ARHGAP26: variants seen among roughly 807,000 people sequenced by gnomAD.
ARHGAP26 encodes rho GTPase-activating protein 26.
ARHGAP26 carries 38 observed loss-of-function variants against 104.8 expected under a neutral mutation model. The ratio of observed to expected loss-of-function variants is 0.36; its 90% CI spans 0.28 to 0.48. The LOEUF (loss-of-function observed/expected upper bound fraction) is 0.48. Ranked by LOEUF, ARHGAP26 falls within the 20% of genes least tolerant of loss-of-function variation. The pLI, the probability that ARHGAP26 is intolerant of heterozygous loss-of-function variation, is 0.99. For missense variants in ARHGAP26, 704 were observed against 947.9 expected, an observed-to-expected ratio of 0.74 and a Z score of 3.38; for synonymous variants, 341 against 340.0, an observed-to-expected ratio of 1.00 and a Z score of -0.03.
At chr5:142,930,005 G>C (rs1234982275) in intron 10 of ARHGAP26, among the ~76,000 whole-genome samples, 1 of 152,178 alleles carries the variant, frequency 6.6e-6, no homozygotes, top group Non-Finnish European at 1.5e-5. Flanking sequence ...ATCACCTGGG[G>C]AGTTGGTTAA....
intron 10 of ARHGAP26, among the ~76,000 whole-genome samples, chr5:142,931,720 C>T (rs775994107): frequency 9.2e-5 from 14 of 152,188 alleles, no homozygotes; most frequent in South Asian, 2.1e-4. Flanking sequence ...CTCTGTTAAG[C>T]GTTTTGAGGT....
At chr5:143,150,208 C>T (rs1301612783) in intron 20 of ARHGAP26, among the ~76,000 whole-genome samples, 1 of 152,194 alleles carries the variant, frequency 6.6e-6, no homozygotes, top group East Asian at 1.9e-4. Flanking sequence ...GGACCAAAGT[C>T]CAGCTAGTCT....
At chr5:142,800,789 C>T (rs889881325) in intron 1 of ARHGAP26, among the ~76,000 whole-genome samples, 15 of 152,208 alleles carry the variant, frequency 9.9e-5, no homozygotes, top group African/African-American at 3.1e-4. Context: ...CTTGTGCTCA[C>T]GTGTGATTTG....
At chr5:143,093,613 T>A (rs1791809145) in intron 17 of ARHGAP26, among the ~76,000 whole-genome samples, 1 of 152,026 alleles carries the variant, frequency 6.6e-6, no homozygotes, top group African/African-American at 2.4e-5. Flanking sequence ...TGACTCCATC[T>A]TTGTCTCCTC....
At chr5:143,189,687 C>A (rs1271472143) in intron 20 of ARHGAP26, among the ~76,000 whole-genome samples, 1 of 152,008 alleles carries the variant, frequency 6.6e-6, no homozygotes, top group Non-Finnish European at 1.5e-5. Context: ...CTATATTACA[C>A]ACATTAGAAA....
intron 7 of ARHGAP26, among the ~76,000 whole-genome samples, chr5:142,902,717 C>T (rs775863780): frequency 6.6e-6 from 1 of 152,170 alleles, no homozygotes; most frequent in Admixed American, 6.5e-5. Flanking sequence ...TTTTAGAAGC[C>T]TGGAGGTTAC....
At chr5:142,827,607 C>G (rs1767547554) in intron 1 of ARHGAP26, among the ~76,000 whole-genome samples, 1 of 152,138 alleles carries the variant, frequency 6.6e-6, no homozygotes, top group Admixed American at 6.5e-5. Flanking sequence ...GCCTCATTCA[C>G]CAGCCAGGTG....
chr5:143,072,390 T>C lies in ARHGAP26; in HGVS notation c.1538+14643T>C, dbSNP rs533769611. ...AAAATACAACAACATGATCCAGCAG[T>C]CCCACTACTGGAAACTATTCCAAAG... is the stretch of plus-strand genomic sequence containing the variant. On this transcript the variant is annotated intron_variant, in intron 17 of 22. Transcript: ENST00000645722. Among the ~76,000 whole-genome samples the C allele has an allele frequency of 1.4e-4, 22 of 152,284 alleles. No homozygotes were observed. In the South Asian group the frequency reaches 4.6e-3, roughly 32 times the overall value.
intron 11 of ARHGAP26, among the ~76,000 whole-genome samples, chr5:142,956,212 C>T (rs1769206090): frequency 6.6e-6 from 1 of 152,078 alleles, no homozygotes; most frequent in Non-Finnish European, 1.5e-5. Context: ...ATAGCCCTCC[C>T]TGCTTGATAC....
intron 18 of ARHGAP26, among the ~76,000 whole-genome samples, chr5:143,128,398 G>A (rs1796959315): frequency 6.6e-6 from 1 of 152,136 alleles, no homozygotes; most frequent in African/African-American, 2.4e-5. Flanking sequence ...TATACCCTCA[G>A]TTACTAATGT....
intron 1 of ARHGAP26, among the ~76,000 whole-genome samples, chr5:142,827,977 C>G (rs979224811): frequency 2.0e-5 from 3 of 152,126 alleles, no homozygotes; most frequent in African/African-American, 7.2e-5. Flanking sequence ...GGTCTTTGTT[C>G]CCTTGGCTTT....
chr5:142,771,213 C>T (rs1199323899), intron 1 of ARHGAP26: 8 of 1,271,252 alleles, frequency 6.3e-6, no homozygotes, highest in Non-Finnish European at 3.0e-6. Flanking sequence ...CGCAGGTGTC[C>T]CAGCAGTGGG....
At chr5:142,972,657 C>G (rs1026631885) in intron 11 of ARHGAP26, among the ~76,000 whole-genome samples, 2 of 152,082 alleles carry the variant, frequency 1.3e-5, no homozygotes, top group Non-Finnish European at 2.9e-5. Context: ...TCTCTACCCC[C>G]CAAGAACAGC....
At chr5:142,900,048 T>C (rs1027724826) in intron 6 of ARHGAP26, among the ~76,000 whole-genome samples, 1 of 151,948 alleles carries the variant, frequency 6.6e-6, no homozygotes, top group African/African-American at 2.4e-5. Flanking sequence ...AAGTCAGGGG[T>C]AGTGTCATGC....
intron 20 of ARHGAP26, among the ~76,000 whole-genome samples, chr5:143,196,176 C>G (rs927885703): frequency 5.3e-5 from 8 of 151,728 alleles, no homozygotes; most frequent in African/African-American, 9.7e-5. Context: ...AGTAACCACC[C>G]CCTCACCCCC....
At chr5:143,155,124 C>T (rs973061494) in intron 20 of ARHGAP26, among the ~76,000 whole-genome samples, 1 of 152,174 alleles carries the variant, frequency 6.6e-6, no homozygotes, top group African/African-American at 2.4e-5. Context: ...TGACATTCCC[C>T]ACCTTTGGAA....
chr5:143,228,892 C>G lies in ARHGAP26; in HGVS notation c.*6446C>G. The stretch of plus-strand genomic sequence containing the variant: ...TATATCTATAAAGAAAACAAAATTT[C>G]TGTTCAGAGGCCTCTGAAACTTGGC... On this transcript the variant is annotated 3_prime_UTR_variant, in exon 23 of 23. Transcript: ENST00000645722. 1 of 187,920 alleles carries G rather than the reference C, an allele frequency of 5.3e-6. No individual in the cohort carries two copies. The highest frequency in any genetic ancestry group is 1.1e-5 in the Non-Finnish European group (1 of 89,026). The allele number at this position is 187,920 out of a possible 1,614,324, so 11.6% of individuals were successfully genotyped here.
chr5:143,030,051 C>T lies in ARHGAP26; in HGVS notation c.1145-7145C>T, dbSNP rs1781637207. Reference sequence around the variant, plus strand: ...AGACTATATATATGTGTCCATCAGTCAACTTATAGTATGGAAAGTTTTCTT... The same window carrying T: ...AGACTATATATATGTGTCCATCAGTTAACTTATAGTATGGAAAGTTTTCTT... On this transcript the variant is annotated intron_variant, in intron 12 of 22. Coordinates refer to ENST00000645722, the MANE Select transcript of ARHGAP26 (RefSeq NM_001135608.3). 2.0e-5 allele frequency among the ~76,000 whole-genome samples: 3 copies of T among 152,146 alleles called. No homozygotes were observed. The South Asian group carries it at 6.2e-4, about 32-fold the overall frequency.
chr5:143,189,980 A>G (rs1252887075), intron 20 of ARHGAP26, among the ~76,000 whole-genome samples: 1 of 151,244 alleles, frequency 6.6e-6, no homozygotes, highest in Non-Finnish European at 1.5e-5. Context: ...TCACTCTTCC[A>G]GGCTCCTAAT....
Sources: allele counts gnomAD v4.1 joint callset (sites outside exome capture counted in the v4.1 genomes callset), GRCh38; gene constraint gnomAD v4.1.1; transcripts MANE v1.5; gene names NCBI Gene and HGNC (gene_info 2026-07-23, HGNC 2026-07-21).